Variants in HS3ST5 observed in about 807,000 individuals in gnomAD.
The protein encoded by HS3ST5 is heparan sulfate-glucosamine 3-sulfotransferase 5, also known as heparan sulfate glucosamine 3-O-sulfotransferase 5.
In HS3ST5, 10 loss-of-function variants were observed where a neutral mutation model predicts 25.4. That is an observed-to-expected ratio of 0.39 (90% CI 0.24 to 0.67). HS3ST5 has a LOEUF of 0.67. Among genes scored for constraint, HS3ST5 ranks in the 30% least tolerant of loss-of-function variants. HS3ST5 has a pLI of 0.44. For synonymous variants in HS3ST5, 170 were observed against 162.4 expected (o/e 1.05, Z -0.36); for missense variants, 324 against 420.7 (o/e 0.77, Z 2.01).
chr6:114,160,136 C>T (rs1193585760), intron 3 of HS3ST5, among the ~76,000 whole-genome samples: 1 of 152,076 alleles, frequency 6.6e-6, no homozygotes, highest in African/African-American at 2.4e-5. Context: ...GTCTCAACTC[C>T]ACATAGTTGT....
intron 1 of HS3ST5, among the ~76,000 whole-genome samples, chr6:114,330,768 T>TA (rs1308683250): frequency 6.6e-6 from 1 of 152,182 alleles, no homozygotes; most frequent in East Asian, 1.9e-4. Flanking sequence ...TGTAGGTATC[T>TA]AGGGAGTCCT....
intron 2 of HS3ST5, among the ~76,000 whole-genome samples, chr6:114,179,326 A>G (rs867423647): frequency 6.6e-6 from 1 of 152,206 alleles, no homozygotes; most frequent in African/African-American, 2.4e-5. Flanking sequence ...GTAGTTACCA[A>G]TTCACTGAGA....
chr6:114,208,746 T>C (rs567893080), intron 2 of HS3ST5, among the ~76,000 whole-genome samples: 1 of 152,310 alleles, frequency 6.6e-6, no homozygotes, highest in African/African-American at 2.4e-5. Context: ...ATGAGTCTTT[T>C]GATGTCTCTA....
chr6:114,245,696 A>T (rs1462746665), intron 1 of HS3ST5, among the ~76,000 whole-genome samples: 1 of 152,194 alleles, frequency 6.6e-6, no homozygotes, highest in Non-Finnish European at 1.5e-5. Context: ...ACACATAGAA[A>T]TCAGGGACAG....
At position 114,178,157 on chromosome 6, in the gene HS3ST5, T is replaced by TAC. The variant is rs1562227367; in HGVS notation, c.-144-9696_-144-9695insGT. ...TTAGCTGCTCTGATTGGATTCTATA[T>TAC]ATATGAACAAAGGTTACCCCAAAAT... is the stretch of plus-strand genomic sequence containing the variant. On this transcript the variant is annotated intron_variant, in intron 2 of 4. Coordinates refer to ENST00000312719, the MANE Select transcript of HS3ST5 (RefSeq NM_153612.4). Among the ~76,000 whole-genome samples, 30 of 152,326 alleles carry TAC rather than the reference T, an allele frequency of 2.0e-4. 1 individual carries two copies. Among genetic ancestry groups the TAC allele is most frequent in the African/African-American group, 7.0e-4 (29 of 41,578 alleles).
intron 3 of HS3ST5, among the ~76,000 whole-genome samples, chr6:114,161,548 T>TATA (rs1238067053): frequency 1.1e-5 from 1 of 87,030 alleles, no homozygotes; most frequent in Non-Finnish European, 2.6e-5. Context: ...TATATATATA[T>TATA]ATATATATAT....
intron 1 of HS3ST5, among the ~76,000 whole-genome samples, chr6:114,257,942 A>G (rs926693206): frequency 4.6e-5 from 7 of 152,054 alleles, no homozygotes; most frequent in Non-Finnish European, 7.4e-5. Context: ...TTGATTGTAA[A>G]GGTGAGGTCT....
At chr6:114,058,255 G>C (rs1170551679) in intron 4 of HS3ST5, 65 bp from the exon 5 acceptor site, 1 of 1,246,756 alleles carries the variant, frequency 8.0e-7, no homozygotes, top group Non-Finnish European at 1.1e-6. Flanking sequence ...TGGTTCCCCA[G>C]TCAGACCAAG....
chr6:114,316,415 A>T (rs1582811441), intron 1 of HS3ST5, among the ~76,000 whole-genome samples: 1 of 152,202 alleles, frequency 6.6e-6, no homozygotes, highest in African/African-American at 2.4e-5. Flanking sequence ...TGGAGGAGGG[A>T]TGGCATTCAA....
At chr6:114,099,282 T>C (rs1395837443) in intron 3 of HS3ST5, among the ~76,000 whole-genome samples, 2 of 152,168 alleles carry the variant, frequency 1.3e-5, no homozygotes, top group African/African-American at 2.4e-5. Context: ...CAGCCCTAAT[T>C]GAAAAGTTCC....
chr6:114,071,043 G>A (rs150595316), intron 3 of HS3ST5, among the ~76,000 whole-genome samples: 21 of 152,268 alleles, frequency 1.4e-4, no homozygotes, highest in African/African-American at 5.1e-4. Context: ...ACAAGACCCT[G>A]TACTCCTTTC....
intron 1 of HS3ST5, among the ~76,000 whole-genome samples, chr6:114,267,777 G>T (rs1239247554): frequency 1.3e-5 from 2 of 152,094 alleles, no homozygotes; most frequent in East Asian, 3.9e-4. Flanking sequence ...AAGCAATCTG[G>T]TTTTTGTACA....
chr6:114,259,166 T>G (rs1412923393), intron 1 of HS3ST5, among the ~76,000 whole-genome samples: 1 of 152,192 alleles, frequency 6.6e-6, no homozygotes, highest in East Asian at 1.9e-4. Context: ...CTAGAGACTA[T>G]TACATGTTAT....
chr6:114,058,110 A>G lies in HS3ST5; in HGVS notation c.188T>C (p.Phe63Ser). 1.2e-6 allele frequency: 2 copies of G among 1,614,090 alleles called. No homozygotes were observed. Among genetic ancestry groups the G allele is most frequent in the South Asian group, 2.2e-5 (2 of 91,074 alleles). The change falls in exon 5 of 5, where the codon TTT becomes TCT. Residue 63 changes from phenylalanine (F) to serine (S), a missense_variant. Phe to Ser is a radical substitution (Grantham distance 155). This residue lies in a region of HS3ST5 where 121 missense variants were observed against 117.3 expected (regional missense o/e 1.03). Transcript: ENST00000312719. The stretch of plus-strand genomic sequence containing the variant: ...GAACTCGTGCAGCAGGCCACGCTTA[A>G]ACTGCAGGGCGCGAAGTGGGAATTC... ...QAEFPLRALQFKRGLLHEFRK... is the reference protein window; with the variant it reads ...QAEFPLRALQSKRGLLHEFRK...
intron 2 of HS3ST5, among the ~76,000 whole-genome samples, chr6:114,189,629 T>C (rs1009782834): frequency 3.3e-5 from 5 of 152,172 alleles, no homozygotes; most frequent in African/African-American, 1.2e-4. Context: ...ATTTCCTCTA[T>C]TATAATTTTA....
At chr6:114,305,296 C>CT (rs546687678) in intron 1 of HS3ST5, among the ~76,000 whole-genome samples, 1 of 152,068 alleles carries the variant, frequency 6.6e-6, no homozygotes, top group Non-Finnish European at 1.5e-5. Flanking sequence ...TTTTCTAATA[C>CT]TTTTTTCTAA....
At chr6:114,063,530 A>T (rs1430655382) in intron 3 of HS3ST5, among the ~76,000 whole-genome samples, 1 of 152,004 alleles carries the variant, frequency 6.6e-6, no homozygotes, top group East Asian at 1.9e-4. Context: ...AAAAAAAAAA[A>T]AGAGCAACTT....
At chr6:114,329,752 T>C (rs1391869643) in intron 1 of HS3ST5, among the ~76,000 whole-genome samples, 1 of 152,158 alleles carries the variant, frequency 6.6e-6, no homozygotes, top group African/African-American at 2.4e-5. Flanking sequence ...TCCTTCTTCT[T>C]CCACCATCTG....
At chr6:114,213,245 T>G (rs1308404162) in intron 2 of HS3ST5, among the ~76,000 whole-genome samples, 5 of 150,126 alleles carry the variant, frequency 3.3e-5, no homozygotes, top group Non-Finnish European at 7.4e-5. Flanking sequence ...GCTTCTCTTC[T>G]CCTCTCCTCT....
Sources: allele counts gnomAD v4.1 joint callset (sites outside exome capture counted in the v4.1 genomes callset), GRCh38; gene constraint gnomAD v4.1.1; regional missense constraint gnomAD v4.1.1; transcripts MANE v1.5; gene names NCBI Gene and HGNC (gene_info 2026-07-23, HGNC 2026-07-21).